The following TDRD3 variants were observed in gnomAD, a reference collection of about 807,000 sequenced individuals.
TDRD3 encodes tudor domain-containing protein 3.
TDRD3 carries 45 observed loss-of-function variants against 86.7 expected under a neutral mutation model. The observed-to-expected ratio is 0.52, with a 90% CI of 0.41 to 0.67. TDRD3 has a LOEUF of 0.67. Ranked by LOEUF, TDRD3 falls within the 30% of genes least tolerant of loss-of-function variation. TDRD3 has a pLI of 0.00. For synonymous variants in TDRD3, 298 were observed against 301.7 expected (o/e 0.99, Z 0.13); for missense variants, 814 against 889.0 (o/e 0.92, Z 1.07).
chr13:60,499,841 C>T (rs1956795835), intron 8 of TDRD3, among the ~76,000 whole-genome samples: 1 of 152,184 alleles, frequency 6.6e-6, no homozygotes, highest in Non-Finnish European at 1.5e-5. Flanking sequence ...ACACATTACT[C>T]ATTTGGATGT....
intron 1 of TDRD3, among the ~76,000 whole-genome samples, chr13:60,427,167 A>G (rs1443499250): frequency 6.6e-6 from 1 of 152,150 alleles, no homozygotes; most frequent in East Asian, 1.9e-4. Flanking sequence ...TTTTTTCTTA[A>G]GAGCAAATAG....
At chr13:60,473,068 G>T (rs1403048825) in intron 5 of TDRD3, among the ~76,000 whole-genome samples, 1 of 152,152 alleles carries the variant, frequency 6.6e-6, no homozygotes, top group Non-Finnish European at 1.5e-5. Flanking sequence ...ATGAAGAAAA[G>T]AAATTTATTT....
chr13:60,468,669 A>T (rs1956004052), intron 5 of TDRD3, among the ~76,000 whole-genome samples: 1 of 152,158 alleles, frequency 6.6e-6, no homozygotes, highest in African/African-American at 2.4e-5. Flanking sequence ...AACTTACTTT[A>T]TGATTAGACA....
intron 3 of TDRD3, among the ~76,000 whole-genome samples, chr13:60,446,720 A>G (rs907459924): frequency 1.3e-5 from 2 of 152,282 alleles, no homozygotes; most frequent in East Asian, 3.9e-4. Flanking sequence ...AAATGTAACT[A>G]TCTTAAACCA....
chr13:60,444,559 C>T, intron 2 of TDRD3, 124 bp from the exon 3 acceptor site: 1 of 547,410 alleles, frequency 1.8e-6, no homozygotes, highest in Non-Finnish European at 3.2e-6. Context: ...ATGTAGATCT[C>T]ATGACCAGTT....
chr13:60,546,925 G>C (rs1957952555), intron 12 of TDRD3, among the ~76,000 whole-genome samples: 1 of 151,998 alleles, frequency 6.6e-6, no homozygotes, highest in South Asian at 2.1e-4. Flanking sequence ...TGTCGCACTG[G>C]CTATCAAAGA....
intron 1 of TDRD3, among the ~76,000 whole-genome samples, chr13:60,428,289 T>C (rs73542959): frequency 0.027 from 4,049 of 151,520 alleles, 178 homozygotes; most frequent in African/African-American, 0.089. Flanking sequence ...AAAGACTGTC[T>C]CTAAATAAAG....
chr13:60,491,991 A>T (rs1204083731), intron 7 of TDRD3, among the ~76,000 whole-genome samples: 2 of 152,200 alleles, frequency 1.3e-5, no homozygotes, highest in East Asian at 3.9e-4. Context: ...ATGGATGCCT[A>T]ATTCATATAA....
At chr13:60,535,328 A>C (rs1356432266) in intron 12 of TDRD3, 95 bp downstream of exon 12, 6 of 1,370,536 alleles carry the variant, frequency 4.4e-6, no homozygotes, top group African/African-American at 1.5e-5. Flanking sequence ...ATGCAAGTGG[A>C]ATCATATTTT....
chr13:60,433,546 A>G (rs1955006635), intron 1 of TDRD3, among the ~76,000 whole-genome samples: 1 of 152,218 alleles, frequency 6.6e-6, no homozygotes, highest in South Asian at 2.1e-4. Flanking sequence ...TGAATGTTAT[A>G]CTATCTGAGG....
At chr13:60,422,279 A>G (rs1258184219) in intron 1 of TDRD3, among the ~76,000 whole-genome samples, 1 of 152,190 alleles carries the variant, frequency 6.6e-6, no homozygotes, top group East Asian at 1.9e-4. Context: ...GATTCATAAT[A>G]TGCCCCCTAA....
rs143848004 is a variant in TDRD3 at position 60,499,364 on chromosome 13, A to G, written c.858+4789A>G. Among the ~76,000 whole-genome samples the G allele has an allele frequency of 7.7e-3, 1,176 of 152,342 alleles. 16 individuals are homozygous for G. Among genetic ancestry groups the G allele is most frequent in the African/African-American group, 0.027 (1,117 of 41,582 alleles). On this transcript the variant is annotated intron_variant, in intron 8 of 13. Transcript: ENST00000377881. Reference sequence around the variant, plus strand: ...ATTAACACATCTCCTGGTACCTGGTATGTAGTCATTGACTTGGCAAATGCC... The same window carrying G: ...ATTAACACATCTCCTGGTACCTGGTGTGTAGTCATTGACTTGGCAAATGCC...
intron 8 of TDRD3, among the ~76,000 whole-genome samples, chr13:60,509,241 G>C (rs774847492): frequency 2.2e-4 from 34 of 151,852 alleles, no homozygotes; most frequent in African/African-American, 8.0e-4. Context: ...TTTCTTATTG[G>C]GGTATAGCTG....
intron 3 of TDRD3, among the ~76,000 whole-genome samples, chr13:60,452,806 C>A (rs750042452): frequency 5.2e-5 from 7 of 135,392 alleles, no homozygotes; most frequent in Non-Finnish European, 1.1e-4. Context: ...ATTTTGATCA[C>A]TGTTCTTAGT....
intron 1 of TDRD3, among the ~76,000 whole-genome samples, chr13:60,434,493 T>TA (rs1487200983): frequency 1.3e-5 from 2 of 151,798 alleles, no homozygotes; most frequent in Admixed American, 6.6e-5. Flanking sequence ...ATTGAGCACT[T>TA]ACTAAACTGC....
At chr13:60,509,074 A>C (rs1239520527) in intron 8 of TDRD3, among the ~76,000 whole-genome samples, 3 of 152,232 alleles carry the variant, frequency 2.0e-5, no homozygotes, top group Admixed American at 2.0e-4. Context: ...CATGTTAACT[A>C]TTAGATGTAT....
intron 12 of TDRD3, among the ~76,000 whole-genome samples, chr13:60,555,768 A>G (rs1958167519): frequency 6.6e-6 from 1 of 151,758 alleles, no homozygotes; most frequent in African/African-American, 2.4e-5. Context: ...TGGAAAATGT[A>G]GTGGTTAGAG....
At chr13:60,434,915 A>G (rs1326760673) in intron 1 of TDRD3, among the ~76,000 whole-genome samples, 3 of 152,116 alleles carry the variant, frequency 2.0e-5, no homozygotes, top group Non-Finnish European at 2.9e-5. Context: ...TGATTACCTC[A>G]ATTAAGACTG....
chr13:60,526,053 G>A (rs1031815898), intron 10 of TDRD3, among the ~76,000 whole-genome samples: 1 of 152,038 alleles, frequency 6.6e-6, no homozygotes, highest in African/African-American at 2.4e-5. Flanking sequence ...TGTATGCATC[G>A]TTATTCATCC....
Sources: allele counts gnomAD v4.1 joint callset (sites outside exome capture counted in the v4.1 genomes callset), GRCh38; gene constraint gnomAD v4.1.1; transcripts MANE v1.5; gene names NCBI Gene and HGNC (gene_info 2026-07-23, HGNC 2026-07-21).